The following CACNA2D3 variants were observed in gnomAD, a reference collection of about 807,000 sequenced individuals.
CACNA2D3 encodes calcium voltage-gated channel auxiliary subunit alpha2delta 3.
Under a neutral mutation model 160.6 loss-of-function variants are expected in CACNA2D3, and 60 were observed. The observed-to-expected ratio is 0.37, with a 90% confidence interval of 0.30 to 0.46. The LOEUF (loss-of-function observed/expected upper bound fraction) is 0.46, where lower values mean the gene tolerates loss of function less well. Among genes scored for constraint, CACNA2D3 ranks in the 20% least tolerant of loss-of-function variants. The pLI is 1.00. For missense variants in CACNA2D3, 1,205 were observed against 1,365.0 expected, an observed-to-expected ratio of 0.88 and a Z score of 1.85; for synonymous variants, 558 against 492.9, an observed-to-expected ratio of 1.13 and a Z score of -1.75.
chr3:54,403,356 A>AACACACACACACAC (rs55779518), intron 4 of CACNA2D3, among the ~76,000 whole-genome samples: 2 of 137,602 alleles, frequency 1.5e-5, no homozygotes, highest in African/African-American at 2.8e-5. Flanking sequence ...CCCTATCTCA[A>AACACACACACACAC]ACACACACAC....
chr3:54,143,675 A>G (rs971388967), intron 2 of CACNA2D3, among the ~76,000 whole-genome samples: 1 of 150,460 alleles, frequency 6.6e-6, no homozygotes, highest in Non-Finnish European at 1.5e-5. Flanking sequence ...AATTTTTTGT[A>G]TTTTTAGTAG....
rs1439246638 is a variant in CACNA2D3 at position 54,754,671 on chromosome 3, G to T, written c.1246+1994G>T. ...TGACTCTAAGTACTAATAAAGGAAG[G>T]TAGGTCCTGTTGCATAGTAGATTGG... On this transcript the variant is annotated intron_variant, in intron 12 of 37. Transcript: ENST00000474759. Among the ~76,000 whole-genome samples, 10 of 152,240 alleles carry T rather than the reference G, an allele frequency of 6.6e-5. No individual in the cohort carries two copies. In the East Asian group the frequency reaches 1.9e-3, roughly 29 times the overall value.
chr3:54,907,934 C>G (rs1482576553), intron 27 of CACNA2D3, among the ~76,000 whole-genome samples: 1 of 152,150 alleles, frequency 6.6e-6, no homozygotes, highest in Non-Finnish European at 1.5e-5. Flanking sequence ...ATAATATTCC[C>G]TTGTATGGAT....
intron 4 of CACNA2D3, among the ~76,000 whole-genome samples, chr3:54,472,980 G>A (rs1019446611): frequency 2.0e-4 from 30 of 152,258 alleles, no homozygotes; most frequent in African/African-American, 5.1e-4. Flanking sequence ...TAGATTCAGC[G>A]CTGTCCCCAT....
intron 11 of CACNA2D3, among the ~76,000 whole-genome samples, chr3:54,698,639 T>C (rs990963943): frequency 1.3e-5 from 2 of 152,092 alleles, no homozygotes; most frequent in African/African-American, 4.8e-5. Flanking sequence ...ACGTCATCTT[T>C]GAAGAGATGA....
At chr3:54,458,171 C>T (rs1027339200) in intron 4 of CACNA2D3, among the ~76,000 whole-genome samples, 1 of 152,034 alleles carries the variant, frequency 6.6e-6, no homozygotes, top group African/African-American at 2.4e-5. Flanking sequence ...TTCTTTCTCT[C>T]ATTGCTTATC....
intron 35 of CACNA2D3, among the ~76,000 whole-genome samples, chr3:55,038,990 T>A (rs997021499): frequency 6.6e-6 from 1 of 150,626 alleles, no homozygotes; most frequent in Non-Finnish European, 1.5e-5. Context: ...ACTAGAGCTG[T>A]GTGCCAAAAA....
intron 27 of CACNA2D3, among the ~76,000 whole-genome samples, chr3:54,932,355 G>T (rs188449095): frequency 6.7e-5 from 10 of 148,192 alleles, no homozygotes; most frequent in African/African-American, 2.4e-4. Context: ...ATAAATACGC[G>T]TTGGTTTGTC....
intron 3 of CACNA2D3, among the ~76,000 whole-genome samples, chr3:54,369,753 C>T (rs985619926): frequency 2.6e-5 from 4 of 152,198 alleles, no homozygotes. Flanking sequence ...TGAAGTCTTC[C>T]TGGCCTCAGT....
At chr3:54,901,215 G>A (rs1251441216) in intron 27 of CACNA2D3, 1 of 152,156 alleles carries the variant, frequency 6.6e-6, no homozygotes, top group East Asian at 1.9e-4. Flanking sequence ...GGGAGCTGAG[G>A]CCACATGCAG....
chr3:54,132,237 C>T (rs1024754237), intron 2 of CACNA2D3, among the ~76,000 whole-genome samples: 2 of 152,218 alleles, frequency 1.3e-5, no homozygotes, highest in East Asian at 1.9e-4. Context: ...TGACTTTGGC[C>T]TAGGTCCCTG....
At chr3:54,333,826 AG>A in intron 3 of CACNA2D3, among the ~76,000 whole-genome samples, 1 of 152,364 alleles carries the variant, frequency 6.6e-6, no homozygotes, top group South Asian at 2.1e-4. Flanking sequence ...GGAACCTCGT[AG>A]GAGCCAGCCC....
intron 2 of CACNA2D3, among the ~76,000 whole-genome samples, chr3:54,307,115 AG>A (rs1457150395): frequency 2.2e-4 from 34 of 152,006 alleles, no homozygotes; most frequent in African/African-American, 8.2e-4. Flanking sequence ...GAGGCATTTG[AG>A]TTAGTGGTGT....
At chr3:54,268,652 T>C (rs1405970288) in intron 2 of CACNA2D3, among the ~76,000 whole-genome samples, 1 of 152,154 alleles carries the variant, frequency 6.6e-6, no homozygotes, top group Non-Finnish European at 1.5e-5. Context: ...TCAGGTGTTC[T>C]ACCCGCTTGG....
intron 27 of CACNA2D3, among the ~76,000 whole-genome samples, chr3:54,934,762 T>C (rs543562738): frequency 1.5e-4 from 23 of 152,276 alleles, no homozygotes; most frequent in African/African-American, 4.8e-4. Flanking sequence ...AGACAGAGTG[T>C]CACCTGTTGC....
chr3:55,056,287 T>C (rs1559475588), intron 35 of CACNA2D3, among the ~76,000 whole-genome samples: 2 of 152,158 alleles, frequency 1.3e-5, no homozygotes, highest in African/African-American at 2.4e-5. Context: ...CTAGCTCTTA[T>C]TAAAAGGATG....
At chr3:54,863,051 A>G (rs1043363057) in intron 17 of CACNA2D3, among the ~76,000 whole-genome samples, 1 of 152,204 alleles carries the variant, frequency 6.6e-6, no homozygotes, top group Non-Finnish European at 1.5e-5. Context: ...TCACAGACAT[A>G]CTTTCAAATT....
At chr3:54,203,043 G>A (rs1470714710) in intron 2 of CACNA2D3, among the ~76,000 whole-genome samples, 1 of 152,182 alleles carries the variant, frequency 6.6e-6, no homozygotes, top group African/African-American at 2.4e-5. Context: ...AGCTTTGGGT[G>A]CTATCAGCTG....
chr3:54,821,209 T>C (rs895237754), intron 14 of CACNA2D3, among the ~76,000 whole-genome samples: 9 of 152,244 alleles, frequency 5.9e-5, no homozygotes, highest in African/African-American at 1.7e-4. Context: ...TGAGTAGGCA[T>C]AAGCATTTTT....
Sources: allele counts gnomAD v4.1 joint callset (sites outside exome capture counted in the v4.1 genomes callset), GRCh38; gene constraint gnomAD v4.1.1; transcripts MANE v1.5; gene names NCBI Gene and HGNC (gene_info 2026-07-23, HGNC 2026-07-21).